The following STRA8 variants were observed in gnomAD, a reference collection of about 807,000 sequenced individuals.
STRA8 encodes the protein stimulated by retinoic acid gene 8 protein homolog.
In STRA8, 18 loss-of-function variants were observed where a neutral mutation model predicts 37.1. The ratio of observed to expected loss-of-function variants is 0.48; its 90% CI spans 0.34 to 0.72. STRA8 has a LOEUF of 0.72. Ranked by LOEUF, STRA8 falls within the 30% of genes least tolerant of loss-of-function variation. The pLI is 0.01. For synonymous variants in STRA8, 168 were observed against 162.9 expected (o/e 1.03, Z -0.24); for missense variants, 357 against 410.4 (o/e 0.87, Z 1.13).
In STRA8 at chr7:135,251,869, G is replaced by A; in HGVS notation, c.953G>A (p.Ser318Asn). Residue 318 changes from serine (S) to asparagine (N), a missense_variant and splice_region_variant, in exon 7 of 9, where the codon AGT (serine) becomes AAT (asparagine). Ser to Asn is a conservative substitution (Grantham distance 46). Transcript: ENST00000662584. ...KSEVPSTSSSSSVLASCNPEN... is the reference protein window; with the variant it reads ...KSEVPSTSSSNSVLASCNPEN... ...GAGGTTCCGAGTACATCTAGCTCCA[G>A]GTGAGGAAGAGGGTGTGAGATAGCA... 6.2e-7 allele frequency: 1 copy of A among 1,614,102 alleles called. No homozygotes were observed.
chr7:135,247,898 G>A (rs1382589058), intron 6 of STRA8, among the ~76,000 whole-genome samples: 1 of 152,168 alleles, frequency 6.6e-6, no homozygotes, highest in Non-Finnish European at 1.5e-5. Context: ...TCTACCACAC[G>A]GCCCACGCTC....
At chr7:135,240,772 A>T in intron 2 of STRA8, 56 bp downstream of exon 2, 1 of 1,593,068 alleles carries the variant, frequency 6.3e-7, no homozygotes, top group Non-Finnish European at 8.6e-7. Context: ...AGACGTTTTC[A>T]CAGGTGGAGG....
chr7:135,253,121 G>C (rs1346648647), intron 7 of STRA8, among the ~76,000 whole-genome samples: 1 of 152,176 alleles, frequency 6.6e-6, no homozygotes, highest in African/African-American at 2.4e-5. Flanking sequence ...TTTTAGCAGA[G>C]ACAGGGTTTT....
chr7:135,244,860 A>G (rs144449938), intron 4 of STRA8, among the ~76,000 whole-genome samples: 3 of 152,336 alleles, frequency 2.0e-5, no homozygotes, highest in East Asian at 3.9e-4. Flanking sequence ...TTTGAATAGA[A>G]GTAGTAAGAG....
At chr7:135,254,047 G>A (rs1832672861) in intron 7 of STRA8, among the ~76,000 whole-genome samples, 1 of 152,184 alleles carries the variant, frequency 6.6e-6, no homozygotes, top group African/African-American at 2.4e-5. Flanking sequence ...TTGGGGAGAA[G>A]TGGGATTGTC....
intron 7 of STRA8, among the ~76,000 whole-genome samples, chr7:135,252,573 T>C (rs1832652403): frequency 6.6e-6 from 1 of 152,180 alleles, no homozygotes; most frequent in Non-Finnish European, 1.5e-5. Flanking sequence ...TGACACTATC[T>C]GTGGCATCTT....
intron 1 of STRA8, among the ~76,000 whole-genome samples, chr7:135,235,086 G>T (rs1832350241): frequency 6.6e-6 from 1 of 152,074 alleles, no homozygotes; most frequent in Non-Finnish European, 1.5e-5. Context: ...TGCCCAGTCT[G>T]GTCTCAAACT....
chr7:135,244,007 T>C (rs944626005), intron 4 of STRA8, among the ~76,000 whole-genome samples: 2 of 152,268 alleles, frequency 1.3e-5, no homozygotes, highest in Non-Finnish European at 2.9e-5. Context: ...GAGAAACTGA[T>C]TTGAGAAATG....
Position 135,245,429 on chromosome 7 carries a change from GGAA to G in STRA8, c.498_500del (p.Glu178del), listed in dbSNP as rs1288936411. 3 of 761,886 alleles carry G rather than the reference GGAA, an allele frequency of 3.9e-6. No individual in the cohort carries two copies. Among genetic ancestry groups the G allele is most frequent in the Non-Finnish European group, 7.3e-6 (3 of 410,284 alleles). The allele number at this position is 761,886 out of a possible 1,614,324, so 47.2% of individuals were successfully genotyped here. ...AGGAGGAAGAAGAAGAGGAGGAGGA[GGAA>G]GAGGAGGAAGAGGAAGAGGAGGAGG... On this transcript the variant is annotated inframe_deletion, in exon 5 of 9. Transcript: ENST00000662584.
chr7:135,248,594 C>A (rs2117812671), intron 6 of STRA8, among the ~76,000 whole-genome samples: 1 of 152,168 alleles, frequency 6.6e-6, no homozygotes, highest in South Asian at 2.1e-4. Context: ...ACCTGTAGTC[C>A]CAGGTACTCA....
chr7:135,246,866 A>G lies in STRA8; in HGVS notation c.879+164A>G, dbSNP rs1832567287. 3 of 737,510 alleles carry G rather than the reference A, an allele frequency of 4.1e-6. No homozygotes were observed. Among genetic ancestry groups the G allele is most frequent in the East Asian group, 3.0e-5 (1 of 33,772 alleles). The allele number at this position is 737,510 out of a possible 1,614,324, so 45.7% of individuals were successfully genotyped here. ...TTTTTCTCTTTTTTTTTTTTTTGAGACGGAGTCTCGCTCTGTCGCCCAGGC... is the reference window on the plus strand; with the variant it reads ...TTTTTCTCTTTTTTTTTTTTTTGAGGCGGAGTCTCGCTCTGTCGCCCAGGC... On this transcript the variant is annotated intron_variant, in intron 6 of 8. Coordinates refer to ENST00000662584, the MANE Select transcript of STRA8 (RefSeq NM_001394401.1). This position sits in a 1 kb window ranked among gnomAD's most constrained non-coding sequence, Gnocchi z 5.4.
At chr7:135,234,026 G>A (rs997265265) in intron 1 of STRA8, among the ~76,000 whole-genome samples, 123 bp downstream of exon 1, 1 of 152,160 alleles carries the variant, frequency 6.6e-6, no homozygotes, top group African/African-American at 2.4e-5. Flanking sequence ...GGGGTTCACA[G>A]GAGCCTTTTG....
At position 135,235,316 on chromosome 7, in the gene STRA8, G is replaced by A. The variant is rs530918011; in HGVS notation, c.-7+1413G>A. 2.0e-5 allele frequency among the ~76,000 whole-genome samples: 3 copies of A among 152,126 alleles called. No individual in the cohort carries two copies. The South Asian group carries it at 6.2e-4, about 32-fold the overall frequency. On this transcript the variant is annotated intron_variant, in intron 1 of 8. Coordinates refer to ENST00000662584, the MANE Select transcript of STRA8 (RefSeq NM_001394401.1). Reference sequence around the variant, plus strand: ...AGTAAACATTTGTTCATAAACATAAGGAAGTCTCCAAAATTCCTTAAGATG... The same window carrying A: ...AGTAAACATTTGTTCATAAACATAAAGAAGTCTCCAAAATTCCTTAAGATG...
chr7:135,236,248 C>G (rs1832375067), intron 1 of STRA8, among the ~76,000 whole-genome samples: 1 of 144,490 alleles, frequency 6.9e-6, no homozygotes, highest in Non-Finnish European at 1.5e-5. Flanking sequence ...TAGTGAGACC[C>G]CATCTTTATA....
At chr7:135,257,133 G>A (rs1562975308) in intron 8 of STRA8, among the ~76,000 whole-genome samples, 1 of 152,172 alleles carries the variant, frequency 6.6e-6, no homozygotes, top group African/African-American at 2.4e-5. Flanking sequence ...GCTTCTCCAG[G>A]GCAGGAAAGG....
rs117230137 is a variant in STRA8 at position 135,239,674 on chromosome 7, C to T, written c.-6-845C>T. On this transcript the variant is annotated intron_variant, in intron 1 of 8. Transcript: ENST00000662584. ...TGGCTCAGGTAAAAGGCCCTGGCCC[C>T]TGTATCTTATTAAAACAATTACATG... Among the ~76,000 whole-genome samples, 227 of 152,270 alleles carry T rather than the reference C, an allele frequency of 1.5e-3. 7 individuals carry two copies. The East Asian group carries it at 0.035, about 24-fold the overall frequency.
chr7:135,239,105 C>T (rs1006485953), intron 1 of STRA8, among the ~76,000 whole-genome samples: 2 of 152,268 alleles, frequency 1.3e-5, no homozygotes, highest in African/African-American at 4.8e-5. Context: ...ACATCCCACA[C>T]TGCCTGATTG....
At chr7:135,254,973 T>A in intron 7 of STRA8, 141 bp from the exon 8 acceptor site, 1 of 692,516 alleles carries the variant, frequency 1.4e-6, no homozygotes, top group Non-Finnish European at 2.6e-6. Flanking sequence ...ACACAAACCT[T>A]TCAAGGAGAG....
intron 7 of STRA8, among the ~76,000 whole-genome samples, chr7:135,252,515 T>C (rs1472794178): frequency 6.6e-6 from 1 of 152,210 alleles, no homozygotes; most frequent in African/African-American, 2.4e-5. Flanking sequence ...ACCTTTTTTC[T>C]GTGATTGGAA....
Sources: allele counts gnomAD v4.1 joint callset (sites outside exome capture counted in the v4.1 genomes callset), GRCh38; gene constraint gnomAD v4.1.1; non-coding constraint Gnocchi (gnomAD v3.1); transcripts MANE v1.5; gene names NCBI Gene and HGNC (gene_info 2026-07-23, HGNC 2026-07-21).